DNER: variants seen among roughly 807,000 people sequenced by gnomAD.
DNER encodes the protein delta/notch like EGF repeat containing, also known as delta and Notch-like epidermal growth factor-related receptor.
A neutral mutation model predicts 78.2 loss-of-function variants in DNER; 33 were observed. That is an observed-to-expected ratio of 0.42 (90% CI 0.32 to 0.56). The LOEUF (loss-of-function observed/expected upper bound fraction) is 0.56. DNER is among the 20% of genes least tolerant of loss of function. DNER has a pLI of 0.11. For missense variants in DNER, 918 were observed against 975.3 expected (o/e 0.94, Z 0.78); for synonymous variants, 417 against 384.8 (o/e 1.08, Z -0.98).
In DNER at chr2:229,407,261, C is replaced by A; in HGVS notation, c.1694G>T (p.Gly565Val). ...GATCDSDGLNGTCICAPGFTG... is the reference protein window; with the variant it reads ...GATCDSDGLNVTCICAPGFTG... ...AAACCCGGGTGCACAGATGCACGTGCCATTCAGGCCGTCGCTGTCACAGGT... is the reference window on the plus strand; with the variant it reads ...AAACCCGGGTGCACAGATGCACGTGACATTCAGGCCGTCGCTGTCACAGGT... The change falls in exon 10 of 13, where the codon GGC becomes GTC. Residue 565 changes from glycine (G) to valine (V), a missense_variant. Gly to Val is a moderately radical substitution (Grantham distance 109). Coordinates refer to ENST00000341772, the MANE Select transcript of DNER (RefSeq NM_139072.4). The A allele has an allele frequency of 6.2e-7, 1 of 1,613,498 alleles. No homozygotes were observed. The highest frequency in any genetic ancestry group is 2.2e-5 in the East Asian group (1 of 44,864).
At chr2:229,701,383 T>C (rs79765128) in intron 1 of DNER, among the ~76,000 whole-genome samples, 3,390 of 152,366 alleles carry the variant, frequency 0.022, 49 homozygotes, top group South Asian at 0.07. Flanking sequence ...TAATTAAACA[T>C]ACAAGTTTCC....
intron 1 of DNER, among the ~76,000 whole-genome samples, chr2:229,628,805 C>A (rs1268904297): frequency 1.3e-5 from 2 of 152,192 alleles, no homozygotes; most frequent in Admixed American, 6.5e-5. Context: ...CTAGTTCTAA[C>A]ATCAAGAGTT....
At chr2:229,458,651 A>G (rs1384831759) in intron 7 of DNER, among the ~76,000 whole-genome samples, 1 of 151,926 alleles carries the variant, frequency 6.6e-6, no homozygotes, top group African/African-American at 2.4e-5. Context: ...ACAAAAAAAA[A>G]ACTATGGCTA....
rs1694963083 is a variant in DNER, at chr2:229,473,261, C to T, written c.1261+3879G>A. Among the ~76,000 whole-genome samples, 4 of 152,180 alleles carry T rather than the reference C, an allele frequency of 2.6e-5. No homozygotes were observed. In the South Asian group the frequency reaches 6.2e-4, roughly 24 times the overall value. ...TTTCCAGATTTAAGAAAGTAAACAG[C>T]AGAGACATTTAGAAGTTTTCTTTGC... On this transcript the variant is annotated intron_variant, in intron 7 of 12. Transcript: ENST00000341772.
intron 1 of DNER, among the ~76,000 whole-genome samples, chr2:229,630,429 T>C (rs1396254984): frequency 1.3e-5 from 2 of 151,376 alleles, no homozygotes; most frequent in East Asian, 1.9e-4. Flanking sequence ...TGAGCCGAGA[T>C]GGTGTCACTG....
intron 11 of DNER, among the ~76,000 whole-genome samples, chr2:229,371,641 C>T (rs935170868): frequency 6.6e-6 from 1 of 152,226 alleles, no homozygotes; most frequent in Non-Finnish European, 1.5e-5. Flanking sequence ...GTGAGGCAGA[C>T]AGTCAGTGGC....
intron 1 of DNER, among the ~76,000 whole-genome samples, chr2:229,663,357 T>G (rs1212242720): frequency 6.6e-6 from 1 of 152,160 alleles, no homozygotes; most frequent in Non-Finnish European, 1.5e-5. Context: ...AAGCCAATTT[T>G]TTTCCATGAC....
At chr2:229,366,777 C>G in intron 12 of DNER, 96 bp downstream of exon 12, 1 of 1,540,388 alleles carries the variant, frequency 6.5e-7, no homozygotes, top group Non-Finnish European at 8.8e-7. Flanking sequence ...TTTAAAATCT[C>G]CTCTTTGCAA....
At chr2:229,654,655 GCTTATGTGTCACACAAGT>G (rs1332751392) in intron 1 of DNER, among the ~76,000 whole-genome samples, 1 of 152,168 alleles carries the variant, frequency 6.6e-6, no homozygotes, top group African/African-American at 2.4e-5. Context: ...CACTGCCTAT[GCTTATGTGTCACACAAGT>G]CTCAATTTGG....
At chr2:229,493,536 C>A (rs1559147983) in intron 6 of DNER, among the ~76,000 whole-genome samples, 1 of 152,140 alleles carries the variant, frequency 6.6e-6, no homozygotes, top group African/African-American at 2.4e-5. Flanking sequence ...CTCGAGCCAG[C>A]TACAAATTAC....
chr2:229,595,187 A>G (rs1404339040), intron 1 of DNER, among the ~76,000 whole-genome samples: 2 of 152,150 alleles, frequency 1.3e-5, no homozygotes, highest in African/African-American at 2.4e-5. Flanking sequence ...TTTGGTAAGT[A>G]CATTTGTACA....
chr2:229,357,695 A>T lies in DNER; in HGVS notation c.*845T>A, dbSNP rs1468378773. On this transcript the variant is annotated 3_prime_UTR_variant, in exon 13 of 13. Coordinates refer to ENST00000341772, the MANE Select transcript of DNER (RefSeq NM_139072.4). The stretch of plus-strand genomic sequence containing the variant: ...GCAAGAATCAGAAGAAGCACATATC[A>T]ATCAAATACAGCCACAAAAACATCC... 6.6e-6 allele frequency: 1 copy of T among 152,242 alleles called. No homozygotes were observed. Among genetic ancestry groups the T allele is most frequent in the Non-Finnish European group, 1.5e-5 (1 of 68,048 alleles). The allele number at this position is 152,242 out of a possible 1,614,324, so 9.4% of individuals were successfully genotyped here.
At chr2:229,635,997 G>A (rs143077111) in intron 1 of DNER, among the ~76,000 whole-genome samples, 361 of 151,920 alleles carry the variant, frequency 2.4e-3, no homozygotes, top group Non-Finnish European at 3.7e-3. Context: ...AGAAACTGAG[G>A]TACAAAAAAG....
At chr2:229,659,880 G>A (rs1469275276) in intron 1 of DNER, among the ~76,000 whole-genome samples, 1 of 152,104 alleles carries the variant, frequency 6.6e-6, no homozygotes, top group African/African-American at 2.4e-5. Flanking sequence ...TGACTGCCAT[G>A]TATGTATATA....
At chr2:229,438,998 C>A (rs1161675826) in intron 8 of DNER, among the ~76,000 whole-genome samples, 2 of 152,196 alleles carry the variant, frequency 1.3e-5, no homozygotes, top group African/African-American at 4.8e-5. Context: ...GTCCCAGCTT[C>A]ATCCTTAACT....
At chr2:229,401,437 C>G (rs1299735633) in intron 10 of DNER, among the ~76,000 whole-genome samples, 2 of 151,974 alleles carry the variant, frequency 1.3e-5, no homozygotes, top group Non-Finnish European at 2.9e-5. Context: ...TTCCTTTCAA[C>G]AGGGGACTGG....
At chr2:229,703,774 G>A (rs1699787176) in intron 1 of DNER, among the ~76,000 whole-genome samples, 1 of 152,106 alleles carries the variant, frequency 6.6e-6, no homozygotes. Context: ...CTACTCAGGA[G>A]GCTGAGGTGG....
In DNER at chr2:229,535,100, T is replaced by C. The variant is rs183917040; in HGVS notation, c.993+11847A>G. ...ATCGGCCTGCGTCGGCCTCCCAAAG[T>C]GCTGAGATTACAGGCATGAGCCACC... On this transcript the variant is annotated intron_variant, in intron 5 of 12. Coordinates refer to ENST00000341772, the MANE Select transcript of DNER (RefSeq NM_139072.4). Among the ~76,000 whole-genome samples the C allele has an allele frequency of 1.6e-4, 25 of 152,346 alleles. No homozygotes were observed. In the East Asian group the frequency reaches 4.0e-3, roughly 25 times the overall value.
intron 4 of DNER, among the ~76,000 whole-genome samples, chr2:229,568,381 G>T (rs1335541422): frequency 6.6e-6 from 1 of 152,066 alleles, no homozygotes; most frequent in Non-Finnish European, 1.5e-5. Context: ...TCATTTTTAG[G>T]CCCCTGCCTT....
Sources: gnomAD v4.1 joint callset for allele counts (sites outside exome capture counted in the v4.1 genomes callset) on GRCh38, gnomAD v4.1.1 for gene constraint, MANE v1.5 for transcripts, NCBI Gene and HGNC (gene_info 2026-07-23, HGNC 2026-07-21) for gene names.